The following GALNT16 variants were observed in gnomAD, a reference collection of about 807,000 sequenced individuals.
The protein encoded by GALNT16 is polypeptide N-acetylgalactosaminyltransferase 16.
In GALNT16, 40 loss-of-function variants were observed where a neutral mutation model predicts 76.1. That is an observed-to-expected ratio of 0.53 (90% CI 0.41 to 0.68). The LOEUF (loss-of-function observed/expected upper bound fraction) is 0.68, where lower values mean the gene tolerates loss of function less well. Ranked by LOEUF, GALNT16 falls within the 30% of genes least tolerant of loss-of-function variation. The pLI, the probability that GALNT16 is intolerant of heterozygous loss-of-function variation, is 0.00. For synonymous variants in GALNT16, 276 were observed against 285.2 expected (o/e 0.97, Z 0.32); for missense variants, 621 against 731.9 (o/e 0.85, Z 1.75).
downstream of GALNT16, among the ~76,000 whole-genome samples, chr14:69,360,642 AGAGAG>A (rs148280136): frequency 0.044 from 6,643 of 151,720 alleles, 208 homozygotes; most frequent in South Asian, 0.1. Context: ...AGAAAAGAGA[AGAGAG>A]GAGAGGAGAG....
intron 1 of GALNT16, among the ~76,000 whole-genome samples, chr14:69,310,324 G>A (rs2044999133): frequency 2.0e-5 from 3 of 151,712 alleles, no homozygotes; most frequent in African/African-American, 7.3e-5. Context: ...GTTCTCTCAT[G>A]TTTAAACTCT....
intron 13 of GALNT16, 43 bp from the exon 14 acceptor site, chr14:69,347,834 C>T (rs373113406): frequency 2.3e-5 from 37 of 1,605,908 alleles, no homozygotes; most frequent in African/African-American, 4.0e-5. Flanking sequence ...CTCCACCCAT[C>T]GCTGTACTTT....
At chr14:69,267,048 A>G (rs1231412772) in intron 1 of GALNT16, among the ~76,000 whole-genome samples, 1 of 151,926 alleles carries the variant, frequency 6.6e-6, no homozygotes, top group Non-Finnish European at 1.5e-5. Flanking sequence ...TTCCACTTCT[A>G]TTTTCCCAAT....
chr14:69,336,298 C>T (rs193278074), intron 9 of GALNT16, among the ~76,000 whole-genome samples: 1 of 152,170 alleles, frequency 6.6e-6, no homozygotes, highest in African/African-American at 2.4e-5. Flanking sequence ...TTAGTAGAGA[C>T]GGGGTTTCAC....
rs529866161 is a variant in GALNT16 at position 69,323,010 on chromosome 14, G to A, written c.336-1682G>A. On this transcript the variant is annotated intron_variant, in intron 2 of 14. Transcript: ENST00000448469. Reference sequence around the variant, plus strand: ...CGCGCACGCGCGCACGCATGCACACGTGTAGGGAAGCAAAGGACGTGCTGG... The same window carrying A: ...CGCGCACGCGCGCACGCATGCACACATGTAGGGAAGCAAAGGACGTGCTGG... Among the ~76,000 whole-genome samples, 22 of 141,098 alleles carry A rather than the reference G, an allele frequency of 1.6e-4. No homozygotes were observed. In the South Asian group the frequency reaches 4.2e-3, roughly 27 times the overall value. 92.6% of individuals were successfully genotyped at this position (141,098 alleles called of 152,430 possible). A position where few individuals can be genotyped will look rare whatever the true frequency, so the allele number is the denominator to read the frequency against.
the GALNT16 span, among the ~76,000 whole-genome samples, chr14:69,384,982 CA>C: frequency 6.6e-6 from 1 of 152,164 alleles, no homozygotes; most frequent in Non-Finnish European, 1.5e-5. Context: ...TTCCTAATTT[CA>C]AGCATGTCAT....
At chr14:69,328,327 C>T in intron 5 of GALNT16, 123 bp from the exon 6 acceptor site, 1 of 1,009,534 alleles carries the variant, frequency 9.9e-7, no homozygotes, top group Admixed American at 2.4e-5. Context: ...AAAGTCAAAT[C>T]TAATCACAAT....
chr14:69,335,405 C>A (rs1456898574), intron 9 of GALNT16, among the ~76,000 whole-genome samples: 1 of 152,164 alleles, frequency 6.6e-6, no homozygotes, highest in Admixed American at 6.5e-5. Flanking sequence ...TCCAAGTGAC[C>A]CGCTTTGTGT....
intron 4 of GALNT16, 77 bp downstream of exon 4, chr14:69,325,481 C>T: frequency 2.2e-6 from 2 of 890,138 alleles, no homozygotes; most frequent in East Asian, 2.4e-5. Flanking sequence ...AGGCAAGCAC[C>T]CTGAGGTTGT....
At chr14:69,369,530 C>T in the GALNT16 span, among the ~76,000 whole-genome samples, 1,447 of 152,254 alleles carry the variant, frequency 9.5e-3, 24 homozygotes, top group African/African-American at 0.033. Flanking sequence ...CTGTGAACCA[C>T]TGGCATGTGT....
At chr14:69,337,973 T>A (rs1391295968) in intron 9 of GALNT16, among the ~76,000 whole-genome samples, 1 of 152,236 alleles carries the variant, frequency 6.6e-6, no homozygotes, top group East Asian at 1.9e-4. Flanking sequence ...GGTGGGTCCT[T>A]ACCATAAATG....
the GALNT16 span, chr14:69,380,523 G>T: frequency 1.3e-6 from 1 of 779,336 alleles, no homozygotes; most frequent in Non-Finnish European, 2.2e-6. Context: ...AACCCCCCCA[G>T]TGCTTCCAAC....
In GALNT16 at chr14:69,320,488, AAAAAAAAGAAAAAAAAAAG is replaced by A. The variant is rs539572184; in HGVS notation, c.178-205_178-187del. Among the ~76,000 whole-genome samples, 730 of 124,428 alleles carry A rather than the reference AAAAAAAAGAAAAAAAAAAG, an allele frequency of 5.9e-3. 6 individuals are homozygous for A. The highest frequency in any genetic ancestry group is 0.019 in the African/African-American group (691 of 37,268). The allele number at this position is 124,428 out of a possible 152,430, so 81.6% of individuals were successfully genotyped here. On this transcript the variant is annotated intron_variant, in intron 1 of 14. Transcript: ENST00000448469. ...GGGTGACAGAATAAGACCCTGTGTCAAAAAAAAGAAAAAAAAAAGAAAAAAAGAAAAAAAAAGAAACCCT... is the reference window on the plus strand; with the variant it reads ...GGGTGACAGAATAAGACCCTGTGTCAAAAAAAAGAAAAAAAAAGAAACCCT...
chr14:69,300,976 C>T (rs1212415674), intron 1 of GALNT16, among the ~76,000 whole-genome samples: 2 of 152,236 alleles, frequency 1.3e-5, no homozygotes, highest in Non-Finnish European at 2.9e-5. Flanking sequence ...TTCTCTCTCA[C>T]ACACTTTAAA....
the GALNT16 span, among the ~76,000 whole-genome samples, chr14:69,373,273 C>T: frequency 6.6e-6 from 1 of 152,212 alleles, no homozygotes; most frequent in Admixed American, 6.5e-5. Flanking sequence ...ATGACAACTC[C>T]TCCAACCCTG....
Position 69,260,193 on chromosome 14 carries a change from C to T in GALNT16, c.-98C>T, listed in dbSNP as rs2044242911. The T allele has an allele frequency of 3.5e-6, 2 of 574,998 alleles. No homozygotes were observed. The highest frequency in any genetic ancestry group is 2.4e-5 in the Admixed American group (1 of 41,698). The allele number at this position is 574,998 out of a possible 1,614,324, so 35.6% of individuals were successfully genotyped here. On this transcript the variant is annotated 5_prime_UTR_variant, in exon 1 of 15. Coordinates refer to ENST00000448469, the MANE Select transcript of GALNT16 (RefSeq NM_001168368.2). ...TGCTCTGCAGGACTGAGCAGCTAGG[C>T]GCGAGCGAAAACAAACAGCTGGGGC...
chr14:69,297,945 G>A (rs1419706540), intron 1 of GALNT16, among the ~76,000 whole-genome samples: 1 of 152,140 alleles, frequency 6.6e-6, no homozygotes, highest in East Asian at 1.9e-4. Context: ...ACAGTTTGTT[G>A]GTCGGTACTG....
At chr14:69,385,748 C>T in the GALNT16 span, among the ~76,000 whole-genome samples, 1 of 151,990 alleles carries the variant, frequency 6.6e-6, no homozygotes. Context: ...TTACTCCTGG[C>T]ACTCTACCAC....
Position 69,324,841 on chromosome 14 carries a change from A to G in GALNT16, c.434+51A>G, listed in dbSNP as rs771365791. The G allele has an allele frequency of 1.2e-5, 15 of 1,230,080 alleles. No individual in the cohort carries two copies. The South Asian group carries it at 1.8e-4, about 14-fold the overall frequency. 76.2% of individuals were successfully genotyped at this position (1,230,080 alleles called of 1,614,324 possible). ...CTCAGTGGTGCTGGCAGGGGAGGAC[A>G]TTGGGATTGGGCGCTGTGGCCAGAC... On this transcript the variant is annotated intron_variant, in intron 3 of 14. Coordinates refer to ENST00000448469, the MANE Select transcript of GALNT16 (RefSeq NM_001168368.2).
Sources: gnomAD v4.1 joint callset for allele counts (sites outside exome capture counted in the v4.1 genomes callset) on GRCh38, gnomAD v4.1.1 for gene constraint, MANE v1.5 for transcripts, NCBI Gene and HGNC (gene_info 2026-07-23, HGNC 2026-07-21) for gene names.